ARHGEF6: variants seen among roughly 807,000 people sequenced by gnomAD.
The protein encoded by ARHGEF6 is rho guanine nucleotide exchange factor 6.
Under a neutral mutation model 70.3 loss-of-function variants are expected in ARHGEF6, and 9 were observed. The observed-to-expected ratio is 0.13, with a 90% CI of 0.08 to 0.22. The LOEUF (loss-of-function observed/expected upper bound fraction) is 0.22, where lower values mean the gene tolerates loss of function less well. ARHGEF6 is among the 10% of genes least tolerant of loss of function. The pLI is 1.00. For synonymous variants in ARHGEF6, 201 were observed against 207.8 expected (o/e 0.97, Z 0.28); for missense variants, 470 against 563.0 (o/e 0.83, Z 1.67).
At chrX:136,770,176 T>A (rs1036222853) in intron 2 of ARHGEF6, among the ~76,000 whole-genome samples, 17 of 112,430 alleles carry the variant, frequency 1.5e-4, no homozygotes, top group African/African-American at 5.5e-4. Flanking sequence ...GAATAATCAC[T>A]GATGTGCACA....
At chrX:136,675,508 T>G (rs944234517) in intron 18 of ARHGEF6, among the ~76,000 whole-genome samples, 1 of 109,456 alleles carries the variant, frequency 9.1e-6, no homozygotes, top group African/African-American at 3.3e-5. Flanking sequence ...CCACTCAATT[T>G]TCTTTTCTTT....
At chrX:136,776,813 C>G (rs1356394853) in intron 2 of ARHGEF6, among the ~76,000 whole-genome samples, 1 of 110,054 alleles carries the variant, frequency 9.1e-6, no homozygotes, top group African/African-American at 3.3e-5. Flanking sequence ...AACTATGCAT[C>G]TGACAAAGGT....
In ARHGEF6 at chrX:136,680,752, C is replaced by T. The variant is rs140569713; in HGVS notation, c.1683G>A (p.Ser561=). 103 of 1,210,061 alleles carry T rather than the reference C, an allele frequency of 8.5e-5. No homozygotes were observed. The African/African-American group carries it at 1.1e-3, about 13-fold the overall frequency. The change falls in exon 15 of 22, where the codon TCG becomes TCA. Residue 561 remains serine, a synonymous_variant. Coordinates refer to ENST00000250617, the MANE Select transcript of ARHGEF6 (RefSeq NM_004840.3). The part of the protein sequence containing the change: ...ASCSSLSKTS[S]SSCSAHSSFS... ...TTACAGAATGAGCACTACATGATGACGATGAGGTTTTGGATAATGAACTGC... is the reference window on the plus strand; with the variant it reads ...TTACAGAATGAGCACTACATGATGATGATGAGGTTTTGGATAATGAACTGC...
chrX:136,698,481 A>C (rs2076534186), intron 9 of ARHGEF6, among the ~76,000 whole-genome samples: 1 of 111,983 alleles, frequency 8.9e-6, no homozygotes, highest in Non-Finnish European at 1.9e-5. Context: ...AAAAATCCTG[A>C]AAGTCAAGGA....
At chrX:136,734,952 A>G (rs2076971417) in intron 5 of ARHGEF6, among the ~76,000 whole-genome samples, 2 of 112,167 alleles carry the variant, frequency 1.8e-5, no homozygotes, top group Non-Finnish European at 3.8e-5. Context: ...AAAATAACTC[A>G]TGGAAAAAAA....
At chrX:136,676,836 A>G (rs2076286463) in intron 17 of ARHGEF6, 119 bp from the exon 18 acceptor site, 5 of 526,805 alleles carry the variant, frequency 9.5e-6, no homozygotes, top group Admixed American at 8.2e-5. Flanking sequence ...TTAGGAGTAC[A>G]TCAATGTTTA....
chrX:136,669,062 T>A (rs982506708), intron 21 of ARHGEF6, among the ~76,000 whole-genome samples: 1 of 111,468 alleles, frequency 9.0e-6, no homozygotes, highest in African/African-American at 3.3e-5. Flanking sequence ...GCATCCATCC[T>A]TCACTCTGTC....
intron 5 of ARHGEF6, among the ~76,000 whole-genome samples, chrX:136,733,345 T>C (rs1395494351): frequency 1.8e-5 from 2 of 111,421 alleles, no homozygotes; most frequent in East Asian, 5.6e-4. Context: ...ATTTTTTTAA[T>C]AATATTTTCA....
chrX:136,726,188 T>C (rs2076850512), intron 6 of ARHGEF6, among the ~76,000 whole-genome samples: 1 of 111,530 alleles, frequency 9.0e-6, no homozygotes, highest in Non-Finnish European at 1.9e-5. Context: ...AAAAGGGCAA[T>C]ATATTATAAT....
intron 4 of ARHGEF6, among the ~76,000 whole-genome samples, 178 bp downstream of exon 4, chrX:136,745,045 C>T (rs958812383): frequency 3.6e-5 from 4 of 112,035 alleles, no homozygotes; most frequent in Non-Finnish European, 7.5e-5. Context: ...TGCCCCACCA[C>T]ATGCCTTTGA....
intron 6 of ARHGEF6, among the ~76,000 whole-genome samples, chrX:136,728,800 C>T (rs1317276515): frequency 3.7e-5 from 4 of 109,253 alleles, no homozygotes; most frequent in South Asian, 4.1e-4. Context: ...GGAGAATTTG[C>T]TTTCTCTGTC....
At chrX:136,733,342 T>A (rs868143190) in intron 5 of ARHGEF6, among the ~76,000 whole-genome samples, 3 of 111,527 alleles carry the variant, frequency 2.7e-5, no homozygotes, top group Non-Finnish European at 5.6e-5. Flanking sequence ...TTGATTTTTT[T>A]AATAATATTT....
At chrX:136,758,680 T>TTA (rs2077235771) in intron 2 of ARHGEF6, among the ~76,000 whole-genome samples, 1 of 111,648 alleles carries the variant, frequency 9.0e-6, no homozygotes, top group South Asian at 3.8e-4. Flanking sequence ...TAAAGTAATG[T>TTA]TATCTTAGGG....
At chrX:136,694,959 G>C (rs1603338668) in intron 9 of ARHGEF6, among the ~76,000 whole-genome samples, 1 of 111,682 alleles carries the variant, frequency 9.0e-6, no homozygotes, top group East Asian at 2.8e-4. Context: ...TCCCTTCTCA[G>C]GGCCAATTGT....
chrX:136,776,878 G>A (rs868365326), intron 2 of ARHGEF6, among the ~76,000 whole-genome samples: 2 of 99,964 alleles, frequency 2.0e-5, no homozygotes, highest in East Asian at 6.2e-4. Flanking sequence ...TAAATAAATA[G>A]ATAAATAAAT....
At chrX:136,746,684 AG>A in intron 3 of ARHGEF6, among the ~76,000 whole-genome samples, 1 of 111,873 alleles carries the variant, frequency 8.9e-6, no homozygotes, top group Non-Finnish European at 1.9e-5. Context: ...CTTGGGCATA[AG>A]GGCTCTGTAG....
At chrX:136,735,658 G>A (rs1182820561) in intron 5 of ARHGEF6, among the ~76,000 whole-genome samples, 1 of 111,637 alleles carries the variant, frequency 9.0e-6, no homozygotes, top group East Asian at 2.8e-4. Flanking sequence ...CACAAATACA[G>A]GCATAAGAAA....
At chrX:136,734,021 A>G (rs1443995887) in intron 5 of ARHGEF6, among the ~76,000 whole-genome samples, 1 of 112,417 alleles carries the variant, frequency 8.9e-6, no homozygotes, top group African/African-American at 3.2e-5. Flanking sequence ...CAGGCAGGGA[A>G]GGCAGTACAG....
chrX:136,667,241 G>C lies in ARHGEF6; in HGVS notation c.*788C>G, dbSNP rs905214329. The C allele has an allele frequency of 2.7e-5, 3 of 112,204 alleles. No homozygotes were observed. Among genetic ancestry groups the C allele is most frequent in the Non-Finnish European group, 5.6e-5 (3 of 53,230 alleles). The allele number at this position is 112,204 out of a possible 1,213,427, so 9.2% of individuals were successfully genotyped here. A position where few individuals can be genotyped will look rare whatever the true frequency, so the allele number is the denominator to read the frequency against. ...AACCTATCATGCAATGGGAAAAGGC[G>C]GTCAACTCTGCTACTAAAAGGGAGG... On this transcript the variant is annotated 3_prime_UTR_variant, in exon 22 of 22. Transcript: ENST00000250617.
Sources: gnomAD v4.1 joint callset for allele counts (sites outside exome capture counted in the v4.1 genomes callset) on GRCh38, gnomAD v4.1.1 for gene constraint, MANE v1.5 for transcripts, NCBI Gene and HGNC (gene_info 2026-07-23, HGNC 2026-07-21) for gene names.